Variants in RBFOX1 observed in about 807,000 individuals in gnomAD.
The protein encoded by RBFOX1 is RNA binding fox-1 homolog 1, also known as RNA binding protein fox-1 homolog 1.
In RBFOX1, 8 loss-of-function variants were observed where a neutral mutation model predicts 57.7. That is an observed-to-expected ratio of 0.14 (90% CI 0.08 to 0.25). RBFOX1 has a LOEUF of 0.25. Among genes scored for constraint, RBFOX1 ranks in the 10% least tolerant of loss-of-function variants. The pLI, the probability that RBFOX1 is intolerant of heterozygous loss-of-function variation, is 1.00. For missense variants in RBFOX1, 611 were observed against 548.5 expected, an observed-to-expected ratio of 1.11 and a Z score of -1.14; for synonymous variants, 326 against 222.4, an observed-to-expected ratio of 1.47 and a Z score of -4.15.
intron 4 of RBFOX1, among the ~76,000 whole-genome samples, chr16:5,971,854 C>T (rs1217899842): frequency 3.3e-5 from 5 of 152,218 alleles, no homozygotes; most frequent in Non-Finnish European, 2.9e-5. Flanking sequence ...ATGAGATTAA[C>T]ATTTATGTCA....
At chr16:7,334,956 C>G (rs1217777460) in intron 4 of RBFOX1, among the ~76,000 whole-genome samples, 2 of 152,216 alleles carry the variant, frequency 1.3e-5, no homozygotes, top group Non-Finnish European at 2.9e-5. Context: ...TCTAGACCAG[C>G]TGCTGTGATA....
At chr16:7,247,401 C>G (rs1030493745) in intron 4 of RBFOX1, among the ~76,000 whole-genome samples, 1 of 152,118 alleles carries the variant, frequency 6.6e-6, no homozygotes, top group Non-Finnish European at 1.5e-5. Context: ...GGAGCAAATA[C>G]TCCTCTATGG....
At chr16:6,790,863 A>G (rs1214285863) in intron 3 of RBFOX1, among the ~76,000 whole-genome samples, 2 of 151,996 alleles carry the variant, frequency 1.3e-5, no homozygotes, top group Non-Finnish European at 2.9e-5. Context: ...GTGTGTCACC[A>G]AATTATGGTA....
chr16:6,303,462 A>G (rs970172973), intron 1 of RBFOX1, among the ~76,000 whole-genome samples: 10 of 152,126 alleles, frequency 6.6e-5, no homozygotes, highest in Admixed American at 5.9e-4. Flanking sequence ...GCAATGAGTT[A>G]TGAAGCTCAA....
At chr16:7,472,627 C>T (rs9926364) in intron 4 of RBFOX1, among the ~76,000 whole-genome samples, 1 of 152,236 alleles carries the variant, frequency 6.6e-6, no homozygotes, top group Non-Finnish European at 1.5e-5. Context: ...TCTTCTCCTC[C>T]GAGACTGCAC....
At chr16:5,399,293 A>G (rs1287051803) in intron 1 of RBFOX1, among the ~76,000 whole-genome samples, 2 of 152,230 alleles carry the variant, frequency 1.3e-5, no homozygotes, top group Admixed American at 1.3e-4. Flanking sequence ...GATGAGGTCA[A>G]GGGCTCACAC....
chr16:6,213,503 C>T (rs1045569858), intron 1 of RBFOX1, among the ~76,000 whole-genome samples: 10 of 152,226 alleles, frequency 6.6e-5, no homozygotes, highest in South Asian at 2.1e-4. Flanking sequence ...GCTGCCTTGA[C>T]ACTCTAACAG....
chr16:6,734,811 A>C (rs1355125466), intron 3 of RBFOX1, among the ~76,000 whole-genome samples: 1 of 152,160 alleles, frequency 6.6e-6, no homozygotes, highest in African/African-American at 2.4e-5. Context: ...TTTTTTACGA[A>C]ATCTAGATGC....
intron 4 of RBFOX1, among the ~76,000 whole-genome samples, chr16:7,476,818 G>T (rs894707496): frequency 6.6e-6 from 1 of 152,208 alleles, no homozygotes; most frequent in African/African-American, 2.4e-5. Context: ...GTATGAGGCT[G>T]CATATAAATT....
chr16:6,345,651 G>A (rs2085266687), intron 2 of RBFOX1, among the ~76,000 whole-genome samples: 1 of 152,134 alleles, frequency 6.6e-6, no homozygotes. Context: ...GATGTGTTGG[G>A]AGCAAACTCG....
At chr16:5,571,215 CTTTTTT>C (rs34409151) in intron 2 of RBFOX1, among the ~76,000 whole-genome samples, 9 of 79,830 alleles carry the variant, frequency 1.1e-4, no homozygotes, top group South Asian at 5.4e-4. Context: ...CCATCTTTGA[CTTTTTT>C]TTTTTTTTTT....
intron 4 of RBFOX1, among the ~76,000 whole-genome samples, chr16:7,187,478 A>G (rs184284515): frequency 1.3e-5 from 2 of 151,500 alleles, no homozygotes; most frequent in South Asian, 2.1e-4. Flanking sequence ...TCACGAGATC[A>G]GGAGATCGAG....
intron 3 of RBFOX1, among the ~76,000 whole-genome samples, chr16:6,861,622 T>C (rs1250551532): frequency 6.6e-6 from 1 of 152,038 alleles, no homozygotes; most frequent in Non-Finnish European, 1.5e-5. Context: ...GCCTCTACAT[T>C]GGGTCTTTAT....
chr16:6,082,929 A>C (rs780968211), intron 1 of RBFOX1, among the ~76,000 whole-genome samples: 39 of 152,146 alleles, frequency 2.6e-4, no homozygotes, highest in Admixed American at 2.0e-4. Context: ...AGACTCACCC[A>C]ATCACTGCTC....
Position 7,078,862 on chromosome 16 carries a change from C to A in RBFOX1, c.27+26764C>A, listed in dbSNP as rs1211717237. On this transcript the variant is annotated intron_variant, in intron 4 of 15. Coordinates refer to ENST00000550418, the MANE Select transcript of RBFOX1 (RefSeq NM_018723.4). ...CACGCCCAGCTAATTTATATATATACCTTTTTTTTTTTTTTTTTTTTTTTT... is the reference window on the plus strand; with the variant it reads ...CACGCCCAGCTAATTTATATATATAACTTTTTTTTTTTTTTTTTTTTTTTT... Among the ~76,000 whole-genome samples the A allele has an allele frequency of 5.7e-4, 22 of 38,574 alleles. 2 individuals are homozygous for A. The Middle Eastern group carries it at 0.035, about 61-fold the overall frequency. 25.3% of individuals were successfully genotyped at this position (38,574 alleles called of 152,430 possible).
intron 3 of RBFOX1, among the ~76,000 whole-genome samples, chr16:6,843,542 A>G (rs2093604174): frequency 6.6e-6 from 1 of 152,008 alleles, no homozygotes; most frequent in East Asian, 1.9e-4. Context: ...AAAAAAAATT[A>G]TCTAGGCATG....
intron 2 of RBFOX1, among the ~76,000 whole-genome samples, chr16:5,523,936 T>TCCC: frequency 6.6e-6 from 1 of 152,086 alleles, no homozygotes; most frequent in East Asian, 1.9e-4. Flanking sequence ...TAAGCGCCCC[T>TCCC]CCGCACCCTC....
chr16:6,751,488 C>G (rs539585249), intron 3 of RBFOX1, among the ~76,000 whole-genome samples: 3 of 152,302 alleles, frequency 2.0e-5, no homozygotes, highest in African/African-American at 7.2e-5. Context: ...AGTCCATGTA[C>G]AGCAACTCTT....
intron 3 of RBFOX1, among the ~76,000 whole-genome samples, chr16:6,658,008 G>A (rs894229353): frequency 6.6e-6 from 1 of 151,712 alleles, no homozygotes; most frequent in African/African-American, 2.4e-5. Flanking sequence ...TGTGTACCTC[G>A]ATTTATAGCT....
Sources: gnomAD v4.1 joint callset for allele counts (sites outside exome capture counted in the v4.1 genomes callset) on GRCh38, gnomAD v4.1.1 for gene constraint, MANE v1.5 for transcripts, NCBI Gene and HGNC (gene_info 2026-07-23, HGNC 2026-07-21) for gene names.